RAVER2: variants seen among roughly 807,000 people sequenced by gnomAD.
RAVER2 encodes the protein ribonucleoprotein PTB-binding 2.
In RAVER2, 46 loss-of-function variants were observed where a neutral mutation model predicts 78.1. The observed-to-expected ratio is 0.59, with a 90% confidence interval of 0.46 to 0.75. RAVER2 has a LOEUF of 0.75. Ranked by LOEUF, RAVER2 falls within the 30% of genes least tolerant of loss-of-function variation. The probability of loss-of-function intolerance (pLI) is 0.00; values close to 1 mark genes in which losing one functional copy is unlikely to be tolerated. For missense variants in RAVER2, 793 were observed against 837.5 expected, an observed-to-expected ratio of 0.95 and a Z score of 0.66; for synonymous variants, 311 against 313.3, an observed-to-expected ratio of 0.99 and a Z score of 0.08.
chr1:64,781,563 C>T lies in RAVER2; in HGVS notation c.970C>T (p.Gln324Ter). ...TACATTAGCAGCATTGATAGCGGCT[C>T]AACGTGTGGTAAGTTTTTTCTCTTT... The change falls in exon 4 of 12, where the codon CAA becomes TAA. Residue 324 changes from glutamine to a stop codon, truncating the protein, a stop_gained. Transcript: ENST00000294428. LOFTEE classifies it high-confidence loss of function. 6.2e-7 allele frequency: 1 copy of T among 1,609,234 alleles called. No individual in the cohort carries two copies. Among genetic ancestry groups the T allele is most frequent in the East Asian group, 2.2e-5 (1 of 44,850 alleles).
chr1:64,804,988 T>C lies in RAVER2; in HGVS notation c.1297-3T>C. ...GGTCTTACCTTTTTTTCTTCTTTTG[T>C]AGAAACCCGGCTTACTTGGAGAGCC... On this transcript the variant is annotated splice_region_variant and splice_polypyrimidine_tract_variant and intron_variant, in intron 7 of 11. Coordinates refer to ENST00000294428, the Ensembl canonical transcript of RAVER2. 1 of 1,613,504 alleles carries C rather than the reference T, an allele frequency of 6.2e-7. No individual in the cohort carries two copies.
intron 11 of RAVER2, chr1:64,815,051 T>C (rs751794483): frequency 2.7e-4 from 88 of 331,602 alleles, no homozygotes; most frequent in Non-Finnish European, 4.1e-4. Context: ...CCTCTCACTG[T>C]TTACCTAGTG....
chr1:64,781,713 T>G (rs916368037), intron 4 of RAVER2, 142 bp downstream of exon 4: 1 of 866,064 alleles, frequency 1.2e-6, no homozygotes, highest in African/African-American at 1.7e-5. Flanking sequence ...TTTCCTTTTT[T>G]TTAAAAAAGG....
chr1:64,800,630 C>T (rs1327736376), intron 5 of RAVER2, among the ~76,000 whole-genome samples: 4 of 152,094 alleles, frequency 2.6e-5, no homozygotes. Context: ...GAGTTCTTTT[C>T]CGTGTACCAG....
At chr1:64,765,149 A>G (rs1335468268) in intron 1 of RAVER2, among the ~76,000 whole-genome samples, 2 of 152,206 alleles carry the variant, frequency 1.3e-5, no homozygotes, top group Admixed American at 1.3e-4. Flanking sequence ...ACTTTTATCT[A>G]CTGTTGATGG....
At chr1:64,754,685 G>T (rs577101117) in intron 1 of RAVER2, among the ~76,000 whole-genome samples, 1 of 152,162 alleles carries the variant, frequency 6.6e-6, no homozygotes, top group Non-Finnish European at 1.5e-5. Flanking sequence ...TTTCAAGGGG[G>T]TATGGATCTC....
exon 12 of RAVER2, chr1:64,832,042 T>TAA (rs796161426): frequency 3.8e-4 from 58 of 152,694 alleles, no homozygotes; most frequent in African/African-American, 1.3e-3. Flanking sequence ...TCAATTCACC[T>TAA]AAAGACAGAC....
chr1:64,818,275 A>G (rs1653800860), intron 11 of RAVER2, among the ~76,000 whole-genome samples: 2 of 152,140 alleles, frequency 1.3e-5, no homozygotes, highest in African/African-American at 4.8e-5. Context: ...GGTGGCTCAC[A>G]CCTGTAATCC....
At chr1:64,797,999 T>C (rs1388298426) in intron 5 of RAVER2, among the ~76,000 whole-genome samples, 1 of 151,192 alleles carries the variant, frequency 6.6e-6, no homozygotes, top group Admixed American at 6.6e-5. Context: ...TGTATACATG[T>C]GCCACGCTGG....
intron 4 of RAVER2, among the ~76,000 whole-genome samples, chr1:64,788,051 C>T (rs550085297): frequency 2.2e-4 from 33 of 152,270 alleles, no homozygotes; most frequent in African/African-American, 7.2e-4. Context: ...TTCATATCAC[C>T]ATCCATCAAG....
At position 64,814,851 on chromosome 1, in the gene RAVER2, C is replaced by T. The variant is rs749137264; in HGVS notation, c.1929+11C>T. Reference sequence around the variant, plus strand: ...GGTGATTATGCACAGGTAAATAATTCCCAGGTTCTGATGATACTCAGAAAA... The same window carrying T: ...GGTGATTATGCACAGGTAAATAATTTCCAGGTTCTGATGATACTCAGAAAA... On this transcript the variant is annotated intron_variant, in intron 11 of 11. Transcript: ENST00000294428. 18 of 1,531,422 alleles carry T rather than the reference C, an allele frequency of 1.2e-5. No homozygotes were observed. The Admixed American group carries it at 3.5e-4, about 30-fold the overall frequency. The allele number at this position is 1,531,422 out of a possible 1,614,324, so 94.9% of individuals were successfully genotyped here. A position where few individuals can be genotyped will look rare whatever the true frequency, so the allele number is the denominator to read the frequency against.
chr1:64,779,584 C>T (rs1652573855), intron 3 of RAVER2, among the ~76,000 whole-genome samples: 1 of 151,070 alleles, frequency 6.6e-6, no homozygotes, highest in African/African-American at 2.4e-5. Context: ...TGCTATATTG[C>T]CAGGCTGCTC....
chr1:64,815,061 G>A (rs540659008), intron 11 of RAVER2: 13 of 304,830 alleles, frequency 4.3e-5, no homozygotes, highest in African/African-American at 8.7e-5. Flanking sequence ...TTTACCTAGT[G>A]GTTGGCAAAC....
chr1:64,750,105 A>G (rs956083201), intron 1 of RAVER2, among the ~76,000 whole-genome samples: 2 of 152,174 alleles, frequency 1.3e-5, no homozygotes, highest in Non-Finnish European at 2.9e-5. Flanking sequence ...CACTTTGGAT[A>G]TTATAAACTT....
chr1:64,763,711 G>A (rs1468710524), intron 1 of RAVER2, among the ~76,000 whole-genome samples: 1 of 152,014 alleles, frequency 6.6e-6, no homozygotes, highest in African/African-American at 2.4e-5. Flanking sequence ...GGACCAGCCT[G>A]GCCAACATGG....
At chr1:64,830,779 T>C (rs1398245586) in intron 11 of RAVER2, 60 bp from the exon 12 acceptor site, 23 of 1,416,230 alleles carry the variant, frequency 1.6e-5, no homozygotes, top group Non-Finnish European at 2.2e-5. Context: ...CTTATAAATA[T>C]CTTTAATGAA....
At chr1:64,804,306 G>A (rs1653350759) in intron 6 of RAVER2, among the ~76,000 whole-genome samples, 2 of 152,048 alleles carry the variant, frequency 1.3e-5, no homozygotes, top group Non-Finnish European at 2.9e-5. Flanking sequence ...GTGTAATCCT[G>A]TGTTTTTTTT....
chr1:64,806,712 A>G (rs919532411), intron 8 of RAVER2, among the ~76,000 whole-genome samples: 2 of 152,230 alleles, frequency 1.3e-5, no homozygotes, highest in African/African-American at 4.8e-5. Context: ...AATAGCTCTC[A>G]TGAGCTGATG....
At chr1:64,748,674 T>C (rs1570519273) in intron 1 of RAVER2, among the ~76,000 whole-genome samples, 1 of 152,330 alleles carries the variant, frequency 6.6e-6, no homozygotes, top group Non-Finnish European at 1.5e-5. Flanking sequence ...TTGACACTTA[T>C]GGAAAATGTA....
Sources: allele counts gnomAD v4.1 joint callset (sites outside exome capture counted in the v4.1 genomes callset), GRCh38; gene constraint gnomAD v4.1.1; transcripts MANE v1.5; gene names NCBI Gene and HGNC (gene_info 2026-07-23, HGNC 2026-07-21).